Variants in PCGF5 observed in about 807,000 individuals in gnomAD.
The protein encoded by PCGF5 is polycomb group ring finger 5.
PCGF5 carries 9 observed loss-of-function variants against 44.3 expected under a neutral mutation model. The observed-to-expected ratio is 0.20, with a 90% CI of 0.12 to 0.35. The LOEUF (loss-of-function observed/expected upper bound fraction) is 0.35, where lower values mean the gene tolerates loss of function less well. PCGF5 is among the 10% of genes least tolerant of loss of function. The probability of loss-of-function intolerance (pLI) is 1.00; values close to 1 mark genes in which losing one functional copy is unlikely to be tolerated. For synonymous variants in PCGF5, 95 were observed against 102.5 expected, an observed-to-expected ratio of 0.93 and a Z score of 0.44; for missense variants, 146 against 305.3, an observed-to-expected ratio of 0.48 and a Z score of 3.89.
At chr10:91,257,680 A>G (rs1041887951) in intron 6 of PCGF5, among the ~76,000 whole-genome samples, 1 of 152,130 alleles carries the variant, frequency 6.6e-6, no homozygotes, top group Non-Finnish European at 1.5e-5. Flanking sequence ...CATGCTATGC[A>G]GAATTGTATG....
intron 1 of PCGF5, among the ~76,000 whole-genome samples, chr10:91,190,254 G>C (rs1330409439): frequency 2.0e-5 from 3 of 152,188 alleles, no homozygotes; most frequent in African/African-American, 7.2e-5. Flanking sequence ...TCATGATCCA[G>C]TCACCTTCCA....
chr10:91,158,721 C>T (rs1159962737), upstream of PCGF5, among the ~76,000 whole-genome samples: 1 of 151,992 alleles, frequency 6.6e-6, no homozygotes, highest in Non-Finnish European at 1.5e-5. Context: ...AATTAGATAC[C>T]CCAAACAATG....
intron 6 of PCGF5, among the ~76,000 whole-genome samples, chr10:91,259,510 A>G (rs1564653349): frequency 6.6e-6 from 1 of 152,220 alleles, no homozygotes; most frequent in Non-Finnish European, 1.5e-5. Flanking sequence ...CCGCATTGCC[A>G]AGTCAATCCT....
chr10:91,270,464 A>G lies in PCGF5; in HGVS notation c.664-1174A>G, dbSNP rs192381003. 6.2e-4 allele frequency among the ~76,000 whole-genome samples: 94 copies of G among 152,208 alleles called. 1 individual carries two copies. Among genetic ancestry groups the G allele is most frequent in the Admixed American group, 4.2e-3 (64 of 15,282 alleles). ...CTGTTTAGAATTCTCAATGTTATGC[A>G]AAGTCTGATGGACCAGAGCTTGGGG... is the stretch of plus-strand genomic sequence containing the variant. On this transcript the variant is annotated intron_variant, in intron 8 of 9. Transcript: ENST00000336126.
chr10:91,231,989 C>T (rs549247919), intron 2 of PCGF5, among the ~76,000 whole-genome samples: 2 of 152,186 alleles, frequency 1.3e-5, no homozygotes, highest in African/African-American at 4.8e-5. Context: ...CTTATGACTC[C>T]TGGAATGATC....
chr10:91,161,166 T>C (rs1843375425), upstream of PCGF5, among the ~76,000 whole-genome samples: 1 of 152,216 alleles, frequency 6.6e-6, no homozygotes, highest in African/African-American at 2.4e-5. Flanking sequence ...TCTCCTCTCT[T>C]TGCCCCTCCA....
intron 1 of PCGF5, among the ~76,000 whole-genome samples, chr10:91,165,572 C>G (rs970670145): frequency 6.6e-6 from 1 of 152,166 alleles, no homozygotes; most frequent in Admixed American, 6.5e-5. Context: ...ATCATAGCCT[C>G]AACCTCCCAG....
At chr10:91,235,093 A>G (rs1026964050) in intron 2 of PCGF5, among the ~76,000 whole-genome samples, 7 of 152,246 alleles carry the variant, frequency 4.6e-5, no homozygotes, top group Non-Finnish European at 8.8e-5. Flanking sequence ...GATTTTTGTG[A>G]CTACCTCCTA....
chr10:91,272,157 T>TTAAA (rs774871237), intron 9 of PCGF5, among the ~76,000 whole-genome samples: 3 of 152,222 alleles, frequency 2.0e-5, no homozygotes, highest in Non-Finnish European at 4.4e-5. Context: ...AGTTACCTCT[T>TTAAA]TAAAAATGAT....
At chr10:91,195,818 G>A (rs934602154) in intron 1 of PCGF5, among the ~76,000 whole-genome samples, 11 of 151,544 alleles carry the variant, frequency 7.3e-5, no homozygotes, top group African/African-American at 2.7e-4. Context: ...GGGCTTAGGG[G>A]CAATTAGTTT....
At chr10:91,172,630 A>G (rs554747703) in intron 1 of PCGF5, among the ~76,000 whole-genome samples, 1 of 152,340 alleles carries the variant, frequency 6.6e-6, no homozygotes, top group African/African-American at 2.4e-5. Flanking sequence ...CACTTCCTCA[A>G]TGGCAAAAAG....
At chr10:91,232,699 A>G (rs1845044391) in intron 2 of PCGF5, among the ~76,000 whole-genome samples, 1 of 152,190 alleles carries the variant, frequency 6.6e-6, no homozygotes, top group African/African-American at 2.4e-5. Context: ...TATAGATGCT[A>G]GTAGGTGAAT....
chr10:91,265,396 A>G (rs924147991), intron 8 of PCGF5, among the ~76,000 whole-genome samples: 1 of 152,174 alleles, frequency 6.6e-6, no homozygotes, highest in Non-Finnish European at 1.5e-5. Context: ...AAGATTGGCT[A>G]TAAGGTTGGA....
chr10:91,220,622 G>T (rs1844644875), upstream of PCGF5: 1 of 151,146 alleles, frequency 6.6e-6, no homozygotes, highest in African/African-American at 2.4e-5. Flanking sequence ...GTTGCCCTTG[G>T]AGGCGGCACC....
At chr10:91,254,160 A>G (rs1845689244) in intron 6 of PCGF5, among the ~76,000 whole-genome samples, 1 of 151,234 alleles carries the variant, frequency 6.6e-6, no homozygotes, top group African/African-American at 2.4e-5. Flanking sequence ...TTATTCCTTT[A>G]TGTATGTGTT....
intron 9 of PCGF5, 152 bp downstream of exon 9, chr10:91,271,849 C>T: frequency 1.7e-6 from 1 of 578,894 alleles, no homozygotes; most frequent in Non-Finnish European, 3.0e-6. Flanking sequence ...CCCAAGATTT[C>T]CCATTATTTT....
At chr10:91,274,777 G>T (rs1056274191) in intron 9 of PCGF5, among the ~76,000 whole-genome samples, 2 of 152,142 alleles carry the variant, frequency 1.3e-5, no homozygotes, top group African/African-American at 4.8e-5. Flanking sequence ...GAAGCCTGAG[G>T]CAACACACTG....
chr10:91,265,983 C>T (rs548189877), intron 8 of PCGF5, among the ~76,000 whole-genome samples: 3 of 152,244 alleles, frequency 2.0e-5, no homozygotes, highest in Admixed American at 2.0e-4. Flanking sequence ...AATTAACAAC[C>T]TGCCTTTCTG....
At chr10:91,251,462 T>C (rs1401305042) in intron 6 of PCGF5, 22 bp downstream of exon 6, 1 of 1,602,352 alleles carries the variant, frequency 6.2e-7, no homozygotes, top group African/African-American at 1.3e-5. Context: ...AGTACTATGG[T>C]ATTTTTATGA....
Sources: gnomAD v4.1 joint callset for allele counts (sites outside exome capture counted in the v4.1 genomes callset) on GRCh38, gnomAD v4.1.1 for gene constraint, MANE v1.5 for transcripts, NCBI Gene and HGNC (gene_info 2026-07-23, HGNC 2026-07-21) for gene names.